Variants in STX2 observed in about 807,000 individuals in gnomAD.
The protein encoded by STX2 is syntaxin-2.
STX2 carries 27 observed loss-of-function variants against 40.6 expected under a neutral mutation model. The ratio of observed to expected loss-of-function variants is 0.66; its 90% CI spans 0.49 to 0.92. The LOEUF (loss-of-function observed/expected upper bound fraction) is 0.92, where lower values mean the gene tolerates loss of function less well. STX2 is among the 40% of genes least tolerant of loss of function. The pLI is 0.00. For missense variants in STX2, 328 were observed against 366.1 expected, an observed-to-expected ratio of 0.90 and a Z score of 0.85; for synonymous variants, 123 against 119.1, an observed-to-expected ratio of 1.03 and a Z score of -0.22.
intron 1 of STX2, among the ~76,000 whole-genome samples, chr12:130,833,971 C>T (rs562502120): frequency 6.6e-6 from 1 of 152,166 alleles, no homozygotes; most frequent in Non-Finnish European, 1.5e-5. Flanking sequence ...GGGAAGGGTG[C>T]AGGAAAAAAC....
intron 10 of STX2, among the ~76,000 whole-genome samples, chr12:130,793,247 C>T (rs1004885597): frequency 1.3e-5 from 2 of 152,160 alleles, no homozygotes; most frequent in African/African-American, 4.8e-5. Context: ...AACTCTGGTT[C>T]CCTGTTAACA....
intron 4 of STX2, among the ~76,000 whole-genome samples, chr12:130,809,785 C>A (rs1051117601): frequency 1.3e-5 from 2 of 152,162 alleles, no homozygotes; most frequent in African/African-American, 4.8e-5. Context: ...CCATTGCACT[C>A]CAGCCTAGGC....
At chr12:130,795,219 C>T (rs1451181431) in intron 10 of STX2, among the ~76,000 whole-genome samples, 2 of 152,156 alleles carry the variant, frequency 1.3e-5, no homozygotes, top group Non-Finnish European at 2.9e-5. Context: ...ATAGAAAGGT[C>T]GAAGGATGTT....
chr12:130,806,392 T>C (rs1479027416), intron 6 of STX2, among the ~76,000 whole-genome samples: 1 of 152,124 alleles, frequency 6.6e-6, no homozygotes, highest in Non-Finnish European at 1.5e-5. Flanking sequence ...CCCAGTCTCA[T>C]GGGGAGAGGC....
rs1440869669 is a variant in STX2, at chr12:130,827,713, A to AGACC, written c.31-450_31-447dup. On this transcript the variant is annotated intron_variant, in intron 1 of 10. Coordinates refer to ENST00000392373, the MANE Select transcript of STX2 (RefSeq NM_194356.4). ...CAGAATGCTTAAGTCCAGGAATTCA[A>AGACC]GACCGGCCTGGGCAACATGGTGAAA... Among the ~76,000 whole-genome samples the AGACC allele has an allele frequency of 1.8e-4, 28 of 152,386 alleles. 1 individual carries two copies. The highest frequency in any genetic ancestry group is 6.3e-4 in the African/African-American group (26 of 41,588).
intron 10 of STX2, among the ~76,000 whole-genome samples, chr12:130,794,280 T>C (rs1437268622): frequency 6.6e-6 from 1 of 152,180 alleles, no homozygotes; most frequent in Non-Finnish European, 1.5e-5. Context: ...ACATCTTGCC[T>C]AATAAACATC....
chr12:130,829,993 T>C (rs541288261), intron 1 of STX2, among the ~76,000 whole-genome samples: 1 of 152,318 alleles, frequency 6.6e-6, no homozygotes, highest in South Asian at 2.1e-4. Flanking sequence ...AGGTTCTAGA[T>C]TCAAAGTCAC....
intron 1 of STX2, among the ~76,000 whole-genome samples, chr12:130,836,462 CAG>C (rs1244206746): frequency 6.6e-6 from 1 of 151,982 alleles, no homozygotes; most frequent in Non-Finnish European, 1.5e-5. Flanking sequence ...TTTGTAAAGA[CAG>C]GGTTTTGCCA....
chr12:130,805,187 G>A (rs894681990), intron 6 of STX2, among the ~76,000 whole-genome samples: 2 of 152,150 alleles, frequency 1.3e-5, no homozygotes, highest in Non-Finnish European at 2.9e-5. Flanking sequence ...CAGTCTAGTC[G>A]ACATCATGAT....
chr12:130,802,249 G>A (rs1951257407), intron 6 of STX2, among the ~76,000 whole-genome samples: 1 of 152,226 alleles, frequency 6.6e-6, no homozygotes. Flanking sequence ...CCAGCCTGGA[G>A]TGCAGGGGCA....
chr12:130,802,236 C>T (rs1227332769), intron 6 of STX2, among the ~76,000 whole-genome samples: 2 of 152,212 alleles, frequency 1.3e-5, no homozygotes, highest in Admixed American at 1.3e-4. Flanking sequence ...CTCACTCTGT[C>T]GCCCAGCCTG....
intron 3 of STX2, among the ~76,000 whole-genome samples, chr12:130,818,628 A>G (rs183418142): frequency 5.3e-5 from 8 of 151,008 alleles, no homozygotes; most frequent in Admixed American, 2.0e-4. Context: ...GGAAAAGCAC[A>G]GAATGCACGG....
intron 9 of STX2, among the ~76,000 whole-genome samples, chr12:130,796,928 G>A (rs1283826884): frequency 2.0e-5 from 3 of 152,104 alleles, no homozygotes; most frequent in South Asian, 4.1e-4. Context: ...ATGGCTCCGC[G>A]GGAATAAATG....
intron 9 of STX2, 181 bp downstream of exon 9, chr12:130,798,344 A>G (rs997776426): frequency 4.5e-5 from 21 of 463,830 alleles, no homozygotes; most frequent in Non-Finnish European, 7.7e-5. Flanking sequence ...ATGAACTACA[A>G]ATAATTCATC....
At chr12:130,804,780 A>T (rs577415752) in intron 6 of STX2, among the ~76,000 whole-genome samples, 4 of 152,316 alleles carry the variant, frequency 2.6e-5, no homozygotes, top group South Asian at 2.1e-4. Flanking sequence ...GAATTACTAA[A>T]AAAAACTCCC....
chr12:130,801,125 C>G, intron 8 of STX2, 28 bp downstream of exon 8: 1 of 1,593,164 alleles, frequency 6.3e-7, no homozygotes, highest in Non-Finnish European at 8.6e-7. Context: ...TGATATCTCT[C>G]TTGGAGAATG....
rs1952835470 is a variant in STX2, at chr12:130,839,084, G to A, written c.16C>T (p.Pro6Ser). The A allele has an allele frequency of 1.5e-6, 2 of 1,327,010 alleles. No individual in the cohort carries two copies. The highest frequency in any genetic ancestry group is 1.9e-6 in the Non-Finnish European group (2 of 1,034,480). The allele number at this position is 1,327,010 out of a possible 1,614,324, so 82.2% of individuals were successfully genotyped here. A position where few individuals can be genotyped will look rare whatever the true frequency, so the allele number is the denominator to read the frequency against. ...CTGCCGCTCACCGCCGTCAGGTCTG[G>A]CAGCCGGTCCCGCATCCCCGCCGGC... is the stretch of plus-strand genomic sequence containing the variant. MRDRLPDLTACRKNDD... is the reference protein window; with the variant it reads MRDRLSDLTACRKNDD... The change falls in exon 1 of 11, where the codon CCA becomes TCA. Residue 6 changes from proline (P) to serine (S), a missense_variant. Coordinates refer to ENST00000392373, the MANE Select transcript of STX2 (RefSeq NM_194356.4).
chr12:130,807,107 A>C lies in STX2; in HGVS notation c.355-17T>G. ...CACCGAATGCTAACAACACAGGAAA[A>C]CTACATTCGTATCTGAGGGCCATGC... On this transcript the variant is annotated splice_polypyrimidine_tract_variant and intron_variant, in intron 5 of 10. Coordinates refer to ENST00000392373, the MANE Select transcript of STX2 (RefSeq NM_194356.4). 1 of 1,612,386 alleles carries C rather than the reference A, an allele frequency of 6.2e-7. No homozygotes were observed. Among genetic ancestry groups the C allele is most frequent in the Non-Finnish European group, 8.5e-7 (1 of 1,178,626 alleles).
chr12:130,800,798 C>T (rs1185686580), intron 8 of STX2, among the ~76,000 whole-genome samples: 4 of 152,306 alleles, frequency 2.6e-5, no homozygotes, highest in South Asian at 2.1e-4. Context: ...TACATATGTA[C>T]GGGCATACAC....
Sources: allele counts gnomAD v4.1 joint callset (sites outside exome capture counted in the v4.1 genomes callset), GRCh38; gene constraint gnomAD v4.1.1; transcripts MANE v1.5; gene names NCBI Gene and HGNC (gene_info 2026-07-23, HGNC 2026-07-21).